The following GHR variants were observed in gnomAD, a reference collection of about 807,000 sequenced individuals.
GHR encodes the protein GH receptor.
GHR carries 35 observed loss-of-function variants against 67.1 expected under a neutral mutation model. That is an observed-to-expected ratio of 0.52 (90% CI 0.40 to 0.69). GHR has a LOEUF of 0.69. GHR is among the 30% of genes least tolerant of loss of function. The pLI, the probability that GHR is intolerant of heterozygous loss-of-function variation, is 0.00. For synonymous variants in GHR, 272 were observed against 269.1 expected (o/e 1.01, Z -0.10); for missense variants, 792 against 764.6 (o/e 1.04, Z -0.42).
intron 2 of GHR, among the ~76,000 whole-genome samples, chr5:42,616,910 AG>A (rs1753182821): frequency 6.6e-6 from 1 of 152,076 alleles, no homozygotes; most frequent in African/African-American, 2.4e-5. Context: ...ATAAGAAATA[AG>A]AAGGGACTAT....
chr5:42,664,918 T>C (rs1755874129), intron 3 of GHR, among the ~76,000 whole-genome samples: 2 of 151,762 alleles, frequency 1.3e-5, no homozygotes, highest in Admixed American at 1.3e-4. Context: ...AACAACACCA[T>C]CAAAAAGTGG....
At chr5:42,475,545 T>A (rs779994851) in intron 1 of GHR, among the ~76,000 whole-genome samples, 3 of 152,086 alleles carry the variant, frequency 2.0e-5, no homozygotes, top group Non-Finnish European at 4.4e-5. Context: ...TCTAGTTGGG[T>A]GGCATTAAAG....
At chr5:42,605,342 G>A (rs1397438401) in intron 2 of GHR, among the ~76,000 whole-genome samples, 1 of 151,966 alleles carries the variant, frequency 6.6e-6, no homozygotes, top group African/African-American at 2.4e-5. Flanking sequence ...CCGACCTCAG[G>A]TGATCCGTCT....
chr5:42,613,664 GATAA>G (rs1377951831), intron 2 of GHR, among the ~76,000 whole-genome samples: 1 of 152,080 alleles, frequency 6.6e-6, no homozygotes, highest in African/African-American at 2.4e-5. Flanking sequence ...AATAGAAACA[GATAA>G]ATGAATGAGT....
At chr5:42,659,730 T>A (rs938964470) in intron 3 of GHR, among the ~76,000 whole-genome samples, 1 of 152,104 alleles carries the variant, frequency 6.6e-6, no homozygotes, top group African/African-American at 2.4e-5. Context: ...TGCATTCATC[T>A]CACTAGGGAG....
intron 2 of GHR, among the ~76,000 whole-genome samples, chr5:42,573,444 A>G (rs141912398): frequency 6.6e-6 from 1 of 152,100 alleles, no homozygotes; most frequent in Non-Finnish European, 1.5e-5. Context: ...AAGTCTTGTC[A>G]ACCTCTTTCC....
At chr5:42,692,674 A>C (rs1277327791) in intron 4 of GHR, among the ~76,000 whole-genome samples, 2 of 152,196 alleles carry the variant, frequency 1.3e-5, no homozygotes, top group Non-Finnish European at 2.9e-5. Context: ...GGGATAATCT[A>C]AACAGGGTTT....
chr5:42,618,543 A>G (rs1347926587), intron 2 of GHR, among the ~76,000 whole-genome samples: 2 of 152,142 alleles, frequency 1.3e-5, no homozygotes, highest in African/African-American at 4.8e-5. Context: ...CAGACTTACA[A>G]TCTAATTGAG....
At chr5:42,664,464 G>C (rs900177394) in intron 3 of GHR, among the ~76,000 whole-genome samples, 1 of 152,154 alleles carries the variant, frequency 6.6e-6, no homozygotes, top group African/African-American at 2.4e-5. Flanking sequence ...TCTGATCTTT[G>C]ACAAACCTGA....
intron 1 of GHR, among the ~76,000 whole-genome samples, chr5:42,459,663 A>C (rs1744405806): frequency 6.7e-6 from 1 of 149,764 alleles, no homozygotes; most frequent in Non-Finnish European, 1.5e-5. Context: ...CGAACTTAAA[A>C]GTTAAAAGAA....
intron 3 of GHR, among the ~76,000 whole-genome samples, chr5:42,686,098 C>T (rs999555390): frequency 6.6e-6 from 1 of 152,090 alleles, no homozygotes; most frequent in Non-Finnish European, 1.5e-5. Context: ...GTCTTTAATC[C>T]ATCTTGAGTT....
chr5:42,477,343 C>T (rs139955736), intron 1 of GHR, among the ~76,000 whole-genome samples: 10,708 of 152,062 alleles, frequency 0.07, 465 homozygotes, highest in African/African-American at 0.11. Flanking sequence ...AATAAACATA[C>T]GTGTGCATGT....
At chr5:42,680,882 T>C (rs1442911361) in intron 3 of GHR, among the ~76,000 whole-genome samples, 1 of 152,042 alleles carries the variant, frequency 6.6e-6, no homozygotes, top group African/African-American at 2.4e-5. Flanking sequence ...TGTTCTGGCA[T>C]GCATGTGCAC....
chr5:42,431,651 G>T (rs1308422392), intron 1 of GHR, among the ~76,000 whole-genome samples: 1 of 152,128 alleles, frequency 6.6e-6, no homozygotes, highest in Non-Finnish European at 1.5e-5. Context: ...TTCTTTTGTT[G>T]TTGATAAGAC....
intron 1 of GHR, among the ~76,000 whole-genome samples, chr5:42,486,912 G>A (rs1439207572): frequency 6.6e-6 from 1 of 151,234 alleles, no homozygotes; most frequent in Non-Finnish European, 1.5e-5. Flanking sequence ...AGAGACTAAT[G>A]AGATAACACA....
At chr5:42,436,027 T>C (rs1255008590) in intron 1 of GHR, among the ~76,000 whole-genome samples, 1 of 152,148 alleles carries the variant, frequency 6.6e-6, no homozygotes, top group Non-Finnish European at 1.5e-5. Flanking sequence ...TGGGATAACT[T>C]GGAAGAAATT....
At chr5:42,718,156 C>T in intron 9 of GHR, 35 bp downstream of exon 9, 1 of 1,019,692 alleles carries the variant, frequency 9.8e-7, no homozygotes, top group South Asian at 1.3e-5. Context: ...GTAGCTAGTA[C>T]TAATTAACAC....
intron 1 of GHR, 179 bp from the exon 2 acceptor site, chr5:42,565,685 G>C (rs964577920): frequency 1.0e-6 from 1 of 985,320 alleles, no homozygotes. Flanking sequence ...ACAACCTGCT[G>C]TTTGAGTTCA....
chr5:42,537,351 T>C (rs1271192835), intron 1 of GHR, among the ~76,000 whole-genome samples: 2 of 152,134 alleles, frequency 1.3e-5, no homozygotes, highest in Non-Finnish European at 2.9e-5. Flanking sequence ...TTTTGATAGG[T>C]TGTGTCTTTA....
Sources: gnomAD v4.1 joint callset for allele counts (sites outside exome capture counted in the v4.1 genomes callset) on GRCh38, gnomAD v4.1.1 for gene constraint, MANE v1.5 for transcripts, NCBI Gene and HGNC (gene_info 2026-07-23, HGNC 2026-07-21) for gene names.